CSMD3: variants seen among roughly 807,000 people sequenced by gnomAD.
CSMD3 encodes CUB and Sushi multiple domains 3.
Under a neutral mutation model 435.2 loss-of-function variants are expected in CSMD3, and 177 were observed. The observed-to-expected ratio is 0.41, with a 90% CI of 0.36 to 0.46. The LOEUF (loss-of-function observed/expected upper bound fraction) is 0.46, where lower values mean the gene tolerates loss of function less well. Among genes scored for constraint, CSMD3 ranks in the 20% least tolerant of loss-of-function variants. The pLI is 0.34. For synonymous variants in CSMD3, 1,656 were observed against 1,520.5 expected, an observed-to-expected ratio of 1.09 and a Z score of -2.07; for missense variants, 4,265 against 4,504.6, an observed-to-expected ratio of 0.95 and a Z score of 1.52.
At chr8:112,316,385 A>G (rs1334275497) in intron 47 of CSMD3, among the ~76,000 whole-genome samples, 1 of 151,838 alleles carries the variant, frequency 6.6e-6, no homozygotes, top group Middle Eastern at 3.2e-3. Flanking sequence ...TACATAAAAA[A>G]GAAATAGATA....
intron 11 of CSMD3, among the ~76,000 whole-genome samples, chr8:112,857,916 A>T (rs532573284): frequency 6.6e-6 from 1 of 151,840 alleles, no homozygotes; most frequent in South Asian, 2.1e-4. Flanking sequence ...TGAACTGATG[A>T]CACAGGTTGG....
At chr8:112,758,822 T>A (rs575663327) in intron 13 of CSMD3, among the ~76,000 whole-genome samples, 1 of 152,172 alleles carries the variant, frequency 6.6e-6, no homozygotes, top group Non-Finnish European at 1.5e-5. Context: ...TGATGAATAC[T>A]AGTTTTTAAT....
intron 30 of CSMD3, among the ~76,000 whole-genome samples, chr8:112,494,290 T>A (rs1820993506): frequency 6.7e-6 from 1 of 148,154 alleles, no homozygotes; most frequent in African/African-American, 2.5e-5. Context: ...CCTCTCTCTC[T>A]CACTTTCTTT....
At chr8:112,647,842 T>C (rs2075024707) in intron 19 of CSMD3, among the ~76,000 whole-genome samples, 1 of 152,206 alleles carries the variant, frequency 6.6e-6, no homozygotes. Flanking sequence ...TTTTATATTG[T>C]CAGCTGCAAG....
At chr8:112,332,783 G>A (rs1037423868) in intron 45 of CSMD3, among the ~76,000 whole-genome samples, 26 of 152,158 alleles carry the variant, frequency 1.7e-4, no homozygotes, top group African/African-American at 6.3e-4. Flanking sequence ...TAAAATGTGA[G>A]GTAAGATATG....
chr8:112,908,011 T>A (rs759341563), intron 10 of CSMD3, among the ~76,000 whole-genome samples: 21 of 151,388 alleles, frequency 1.4e-4, no homozygotes, highest in Non-Finnish European at 2.5e-4. Flanking sequence ...TTTCTACTTT[T>A]AATGATAAAC....
chr8:112,392,266 A>G (rs760998288), intron 35 of CSMD3, among the ~76,000 whole-genome samples: 3 of 148,354 alleles, frequency 2.0e-5, no homozygotes, highest in Non-Finnish European at 4.5e-5. Context: ...AGTGAATTAC[A>G]GTTTTGTGCC....
At chr8:112,252,978 T>G (rs1815422503) in intron 63 of CSMD3, among the ~76,000 whole-genome samples, 1 of 151,798 alleles carries the variant, frequency 6.6e-6, no homozygotes, top group Non-Finnish European at 1.5e-5. Context: ...GAGTTAGTGA[T>G]TCTCTTCATT....
At chr8:112,392,794 C>T (rs999604010) in intron 35 of CSMD3, among the ~76,000 whole-genome samples, 1 of 150,930 alleles carries the variant, frequency 6.6e-6, no homozygotes, top group East Asian at 1.9e-4. Flanking sequence ...CATGTTGCTT[C>T]TCTGGTGAAA....
intron 13 of CSMD3, among the ~76,000 whole-genome samples, chr8:112,759,640 C>T (rs923673519): frequency 3.3e-5 from 5 of 151,922 alleles, no homozygotes; most frequent in African/African-American, 9.7e-5. Context: ...GATAGAATAC[C>T]CATTCTGTAT....
chr8:112,333,819 T>G (rs1040335559), intron 45 of CSMD3, among the ~76,000 whole-genome samples: 4 of 152,182 alleles, frequency 2.6e-5, no homozygotes, highest in African/African-American at 9.7e-5. Context: ...TAGTCCTTTC[T>G]TTATGATTTC....
rs755995670 is a variant in CSMD3, at chr8:113,436,893, C to G, written c.-39G>C. The G allele has an allele frequency of 1.2e-6, 2 of 1,610,240 alleles. No individual in the cohort carries two copies. The highest frequency in any genetic ancestry group is 2.2e-5 in the South Asian group (2 of 90,982). On this transcript the variant is annotated 5_prime_UTR_variant, in exon 1 of 71. Transcript: ENST00000297405. Reference sequence around the variant, plus strand: ...TCCTAATTCCTGCTCCTCAGCCCGGCGCAGTGGAGTTGTTGCTGTTGTTGG... The same window carrying G: ...TCCTAATTCCTGCTCCTCAGCCCGGGGCAGTGGAGTTGTTGCTGTTGTTGG...
At chr8:112,344,184 G>T (rs1825457826) in intron 41 of CSMD3, among the ~76,000 whole-genome samples, 1 of 152,050 alleles carries the variant, frequency 6.6e-6, no homozygotes, top group Non-Finnish European at 1.5e-5. Context: ...GCCTGGCCTG[G>T]TTACTTATCT....
Position 112,335,329 on chromosome 8 carries a change from C to T in CSMD3, c.7165G>A (p.Ala2389Thr), listed in dbSNP as rs1824454082. 2.5e-6 allele frequency: 4 copies of T among 1,613,328 alleles called. No homozygotes were observed. Among genetic ancestry groups the T allele is most frequent in the Non-Finnish European group, 3.4e-6 (4 of 1,179,510 alleles). Reference sequence around the variant, plus strand: ...ATAGGAACTCTCAGATAATACCAACCGTGATAACTGAGCACAAAAAAGCCA... The same window carrying T: ...ATAGGAACTCTCAGATAATACCAACTGTGATAACTGAGCACAAAAAAGCCA... Reference protein sequence around the residue: ...TSGFFVLSYHAYQLRVCQPPP... With the variant: ...TSGFFVLSYHTYQLRVCQPPP... Residue 2389 changes from alanine (A) to threonine (T), a missense_variant and splice_region_variant, in exon 45 of 71, where the codon GCC (alanine) becomes ACC (threonine). Physicochemically the swap from Ala to Thr is moderately conservative, Grantham distance 58 (BLOSUM62 0). Coordinates refer to ENST00000297405, the MANE Select transcript of CSMD3 (RefSeq NM_198123.2).
chr8:113,211,592 G>T (rs751067174), intron 3 of CSMD3, among the ~76,000 whole-genome samples: 1 of 152,124 alleles, frequency 6.6e-6, no homozygotes, highest in South Asian at 2.1e-4. Context: ...GGGAGGCTGA[G>T]GCAGGAGAAC....
rs2131633282 is a variant in CSMD3, at chr8:112,650,314, C to T, written c.3040G>A (p.Gly1014Ser). 6.2e-7 allele frequency: 1 copy of T among 1,613,818 alleles called. No homozygotes were observed. The highest frequency in any genetic ancestry group is 8.5e-7 in the Non-Finnish European group (1 of 1,179,866). Reference sequence around the variant, plus strand: ...TAGCGACGGCCATGTACAGGTATGCCAGGGTCCAAACAAGAATACGTGTTC... The same window carrying T: ...TAGCGACGGCCATGTACAGGTATGCTAGGGTCCAAACAAGAATACGTGTTC... The part of the protein sequence containing the change: ...TVNTYSCLDP[G>S]IPVHGRRYGH... The change falls in exon 19 of 71, where the codon GGC becomes AGC. Residue 1014 changes from glycine to serine, a missense_variant. By Grantham distance (56) the Gly-to-Ser change is moderately conservative. Transcript: ENST00000297405.
chr8:112,680,295 T>TTGCAGTCAGCAGAAATGG (rs2075861028), intron 16 of CSMD3, among the ~76,000 whole-genome samples: 1 of 151,972 alleles, frequency 6.6e-6, no homozygotes, highest in Non-Finnish European at 1.5e-5. Flanking sequence ...GCGGCGGAGG[T>TTGCAGTCAGCAGAAATGG]TGCAGTCAGC....
intron 16 of CSMD3, among the ~76,000 whole-genome samples, chr8:112,668,731 G>A (rs1317410751): frequency 6.6e-6 from 1 of 151,908 alleles, no homozygotes; most frequent in Non-Finnish European, 1.5e-5. Flanking sequence ...TCTTCCAAAA[G>A]TATAGGAACC....
At chr8:112,274,200 A>G (rs1440478086) in intron 59 of CSMD3, among the ~76,000 whole-genome samples, 1 of 151,136 alleles carries the variant, frequency 6.6e-6, no homozygotes, top group Non-Finnish European at 1.5e-5. Flanking sequence ...TGAAAGAACC[A>G]AAAGAAAAAA....
Sources: allele counts gnomAD v4.1 joint callset (sites outside exome capture counted in the v4.1 genomes callset), GRCh38; gene constraint gnomAD v4.1.1; transcripts MANE v1.5; gene names NCBI Gene and HGNC (gene_info 2026-07-23, HGNC 2026-07-21).